The following C1orf53 variants were observed in gnomAD, a reference collection of about 807,000 sequenced individuals.
The protein encoded by C1orf53 is chromosome 1 open reading frame 53, also known as uncharacterized protein C1orf53.
Under a neutral mutation model 17.5 loss-of-function variants are expected in C1orf53, and 23 were observed. The ratio of observed to expected loss-of-function variants is 1.31; its 90% CI spans 0.94 to 1.86. C1orf53 has a LOEUF of 1.86. Ranked by LOEUF, C1orf53 falls within the 40% of genes most tolerant of loss-of-function variation. The pLI, the probability that C1orf53 is intolerant of heterozygous loss-of-function variation, is 0.00. For synonymous variants in C1orf53, 108 were observed against 81.9 expected, an observed-to-expected ratio of 1.32 and a Z score of -1.72; for missense variants, 255 against 193.2, an observed-to-expected ratio of 1.32 and a Z score of -1.89.
chr1:197,905,875 G>A lies in C1orf53; in HGVS notation c.344G>A (p.Cys115Tyr). The A allele has an allele frequency of 6.2e-7, 1 of 1,613,802 alleles. No homozygotes were observed. Among genetic ancestry groups the A allele is most frequent in the Non-Finnish European group, 8.5e-7 (1 of 1,179,696 alleles). Reference sequence around the variant, plus strand: ...ATTGCCCACTTGCAAAGAGGTGAATGTTGTGGCTCTGCGTGCAGACATGTG... The same window carrying A: ...ATTGCCCACTTGCAAAGAGGTGAATATTGTGGCTCTGCGTGCAGACATGTG... ...TQIAHLQRGE[C>Y]CGSACRHCPY... Residue 115 changes from cysteine to tyrosine, a missense_variant, in exon 2 of 3, where the codon TGT (cysteine) becomes TAT (tyrosine). Physicochemically the swap from Cys to Tyr is radical, Grantham distance 194. Coordinates refer to ENST00000367393, the MANE Select transcript of C1orf53 (RefSeq NM_001024594.3).
intron 1 of C1orf53, among the ~76,000 whole-genome samples, chr1:197,904,397 G>A (rs1659488464): frequency 6.6e-6 from 1 of 152,220 alleles, no homozygotes; most frequent in South Asian, 2.1e-4. Flanking sequence ...GCAGGGGCAT[G>A]CGCAGGAGCA....
chr1:197,903,477 T>C (rs2102582342), intron 1 of C1orf53, among the ~76,000 whole-genome samples: 1 of 152,342 alleles, frequency 6.6e-6, no homozygotes, highest in South Asian at 2.1e-4. Context: ...GTTTTGCGGA[T>C]TTGACAATTG....
At chr1:197,904,183 C>T (rs1158814575) in intron 1 of C1orf53, among the ~76,000 whole-genome samples, 2 of 152,224 alleles carry the variant, frequency 1.3e-5, no homozygotes, top group Admixed American at 1.3e-4. Context: ...CTTCTTCCAG[C>T]CTCAAAGCAG....
chr1:197,906,031 C>A, intron 2 of C1orf53, 134 bp downstream of exon 2: 1 of 683,768 alleles, frequency 1.5e-6, no homozygotes, highest in Non-Finnish European at 2.6e-6. Context: ...CTACTTTAGC[C>A]AACGACAATG....
chr1:197,907,276 C>CCAATCCAG lies in C1orf53; in HGVS notation c.*60_*61insCCAGCAAT. 1 of 994,590 alleles carries CCAATCCAG rather than the reference C, an allele frequency of 1.0e-6. No homozygotes were observed. The highest frequency in any genetic ancestry group is 1.5e-6 in the Non-Finnish European group (1 of 653,332). 61.6% of individuals were successfully genotyped at this position (994,590 alleles called of 1,614,324 possible). A position where few individuals can be genotyped will look rare whatever the true frequency, so the allele number is the denominator to read the frequency against. ...CTTGTATTTTTTAAAAAATAAAGCC[C>CCAATCCAG]CAATTCAGAATTGCTGGATTATTAG... On this transcript the variant is annotated 3_prime_UTR_variant, in exon 3 of 3. Transcript: ENST00000367393.
chr1:197,906,574 C>G (rs1659526880), intron 2 of C1orf53, among the ~76,000 whole-genome samples: 1 of 152,220 alleles, frequency 6.6e-6, no homozygotes, highest in South Asian at 2.1e-4. Flanking sequence ...AAACAAACCT[C>G]TCCTTCCTTA....
Position 197,902,675 on chromosome 1 carries a change from G to A in C1orf53, c.26G>A (p.Arg9Gln), listed in dbSNP as rs771958221. The A allele has an allele frequency of 1.5e-5, 22 of 1,492,370 alleles. No homozygotes were observed. Among genetic ancestry groups the A allele is most frequent in the Non-Finnish European group, 8.0e-6 (9 of 1,128,464 alleles). The allele number at this position is 1,492,370 out of a possible 1,614,324, so 92.4% of individuals were successfully genotyped here. A position where few individuals can be genotyped will look rare whatever the true frequency, so the allele number is the denominator to read the frequency against. The change falls in exon 1 of 3, where the codon CGG (arginine) becomes CAG (glutamine). Residue 9 changes from arginine to glutamine, a missense_variant. By Grantham distance (43) the Arg-to-Gln change is conservative. Coordinates refer to ENST00000367393, the MANE Select transcript of C1orf53 (RefSeq NM_001024594.3). ...ATGGCGGCCAGGCAGATCTGGGCACGGACGGGTGCCGCGCTCTGCAGGCAA... is the reference window on the plus strand; with the variant it reads ...ATGGCGGCCAGGCAGATCTGGGCACAGACGGGTGCCGCGCTCTGCAGGCAA... MAARQIWA[R>Q]TGAALCRQPS...
Position 197,902,833 on chromosome 1 carries a change from A to G in C1orf53, c.184A>G (p.Arg62Gly), listed in dbSNP as rs1322450753. 9.6e-6 allele frequency: 15 copies of G among 1,563,494 alleles called. No homozygotes were observed. The highest frequency in any genetic ancestry group is 1.3e-5 in the Non-Finnish European group (15 of 1,162,346). Reference sequence around the variant, plus strand: ...GCCCAGCACGCCCGGTAGGCCGGAGAGAGCGGCGAGGCCTTCGGTGAGCGA... The same window carrying G: ...GCCCAGCACGCCCGGTAGGCCGGAGGGAGCGGCGAGGCCTTCGGTGAGCGA... ...SAPSTPGRPE[R>G]AARPSVSEEL... Residue 62 changes from arginine to glycine, a missense_variant, in exon 1 of 3, where the codon AGA (arginine) becomes GGA (glycine). Arg to Gly is a moderately radical substitution (Grantham distance 125). Transcript: ENST00000367393.
At chr1:197,906,195 A>C (rs1659521772) in intron 2 of C1orf53, among the ~76,000 whole-genome samples, 1 of 152,220 alleles carries the variant, frequency 6.6e-6, no homozygotes, top group Non-Finnish European at 1.5e-5. Context: ...AGTTGTTTTC[A>C]TTAGGCAAGT....
intron 2 of C1orf53, 27 bp downstream of exon 2, chr1:197,905,924 A>C (rs777481616): frequency 6.5e-7 from 1 of 1,538,514 alleles, no homozygotes; most frequent in Non-Finnish European, 9.0e-7. Flanking sequence ...GCATTACAGC[A>C]GCAGTTTGCG....
At position 197,907,256 on chromosome 1, in the gene C1orf53, A is replaced by AT. The variant is rs778591899; in HGVS notation, c.*42dup. ...ATCTCTGTTCCCTAACTGTGCTTGT[A>AT]TTTTTTAAAAAATAAAGCCCCAATT... On this transcript the variant is annotated 3_prime_UTR_variant, in exon 3 of 3. Transcript: ENST00000367393. The AT allele has an allele frequency of 1.6e-6, 2 of 1,270,282 alleles. No homozygotes were observed. Among genetic ancestry groups the AT allele is most frequent in the Non-Finnish European group, 2.2e-6 (2 of 895,294 alleles). 78.7% of individuals were successfully genotyped at this position (1,270,282 alleles called of 1,614,324 possible).
In C1orf53 at chr1:197,902,715, G is replaced by A. The variant is rs757985031; in HGVS notation, c.66G>A (p.Pro22=). The change falls in exon 1 of 3, where the codon CCG becomes CCA. Residue 22 remains proline (P), a synonymous_variant. Transcript: ENST00000367393. ...AALCRQPSAA[P]PPAPLWVRAG... ...TCTGCAGGCAACCTTCCGCCGCCCC[G>A]CCGCCAGCACCTCTCTGGGTAAGAG... The A allele has an allele frequency of 3.9e-6, 6 of 1,538,102 alleles. No individual in the cohort carries two copies. Among genetic ancestry groups the A allele is most frequent in the South Asian group, 1.2e-5 (1 of 83,028 alleles).
chr1:197,904,184 C>T (rs1659484985), intron 1 of C1orf53, among the ~76,000 whole-genome samples: 1 of 152,212 alleles, frequency 6.6e-6, no homozygotes, highest in Non-Finnish European at 1.5e-5. Flanking sequence ...TTCTTCCAGC[C>T]TCAAAGCAGA....
rs775495756 is a variant in C1orf53 at position 197,902,859 on chromosome 1, A to G, written c.210A>G (p.Glu70=). The G allele has an allele frequency of 3.4e-5, 53 of 1,537,064 alleles. No homozygotes were observed. The Admixed American group carries it at 1.0e-3, about 30-fold the overall frequency. The stretch of plus-strand genomic sequence containing the variant: ...GAGCGGCGAGGCCTTCGGTGAGCGA[A>G]GAGTTAACCGCGGCGGAGCGACAGA... ...PERAARPSVS[E]ELTAAERQIA... The change falls in exon 1 of 3, where the codon GAA becomes GAG. Residue 70 remains glutamate (E), a synonymous_variant. Coordinates refer to ENST00000367393, the MANE Select transcript of C1orf53 (RefSeq NM_001024594.3).
At chr1:197,905,704 A>T (rs1659512372) in intron 1 of C1orf53, 92 bp from the exon 2 acceptor site, 3 of 904,534 alleles carry the variant, frequency 3.3e-6, no homozygotes, top group Non-Finnish European at 3.5e-6. Context: ...ATTGTTTAAA[A>T]TTTTTCTGCA....
At chr1:197,906,215 G>A (rs1659521957) in intron 2 of C1orf53, among the ~76,000 whole-genome samples, 1 of 152,126 alleles carries the variant, frequency 6.6e-6, no homozygotes, top group South Asian at 2.1e-4. Flanking sequence ...TACAAAGAGG[G>A]CAGGAAAAGA....
chr1:197,902,821 G>A lies in C1orf53; in HGVS notation c.172G>A (p.Gly58Ser), dbSNP rs780267772. 1 of 1,571,164 alleles carries A rather than the reference G, an allele frequency of 6.4e-7. No homozygotes were observed. Among genetic ancestry groups the A allele is most frequent in the Admixed American group, 1.8e-5 (1 of 56,156 alleles). ...CGGCGGCTCCGCGCCCAGCACGCCCGGTAGGCCGGAGAGAGCGGCGAGGCC... is the reference window on the plus strand; with the variant it reads ...CGGCGGCTCCGCGCCCAGCACGCCCAGTAGGCCGGAGAGAGCGGCGAGGCC... The part of the protein sequence containing the change: ...NCGGSAPSTP[G>S]RPERAARPSV... The change falls in exon 1 of 3, where the codon GGT becomes AGT. Residue 58 changes from glycine to serine, a missense_variant. By Grantham distance (56) the Gly-to-Ser change is moderately conservative. Transcript: ENST00000367393.
rs749301774 is a variant in C1orf53 at position 197,902,750 on chromosome 1, G to A, written c.101G>A (p.Arg34Gln). The change falls in exon 1 of 3, where the codon CGA (arginine) becomes CAA (glutamine). Residue 34 changes from arginine (R) to glutamine (Q), a missense_variant. Coordinates refer to ENST00000367393, the MANE Select transcript of C1orf53 (RefSeq NM_001024594.3). ...CCTCTCTGGGTAAGAGCTGGGTTCC[G>A]ACAGCAGCTCAGCTTAACCCTCTGC... ...PAPLWVRAGF[R>Q]QQLSLTLCPA... The A allele has an allele frequency of 1.9e-6, 3 of 1,572,164 alleles. No homozygotes were observed. The highest frequency in any genetic ancestry group is 1.7e-6 in the Non-Finnish European group (2 of 1,167,134).
At chr1:197,907,080 A>T in intron 2 of C1orf53, 69 bp from the exon 3 acceptor site, 1 of 940,604 alleles carries the variant, frequency 1.1e-6, no homozygotes, top group Admixed American at 2.4e-5. Context: ...TTTTGTCACC[A>T]TGAGAAGTGT....
Sources: gnomAD v4.1 joint callset for allele counts (sites outside exome capture counted in the v4.1 genomes callset) on GRCh38, gnomAD v4.1.1 for gene constraint, MANE v1.5 for transcripts, NCBI Gene and HGNC (gene_info 2026-07-23, HGNC 2026-07-21) for gene names.